Variants in TTC39B observed in about 807,000 individuals in gnomAD.
TTC39B encodes tetratricopeptide repeat domain 39B.
A neutral mutation model predicts 96.6 loss-of-function variants in TTC39B; 92 were observed. That is an observed-to-expected ratio of 0.95 (90% CI 0.80 to 1.13). The LOEUF (loss-of-function observed/expected upper bound fraction) is 1.13. TTC39B is among the 50% of genes most tolerant of loss of function. The pLI, the probability that TTC39B is intolerant of heterozygous loss-of-function variation, is 0.00. For missense variants in TTC39B, 955 were observed against 809.3 expected (o/e 1.18, Z -2.18); for synonymous variants, 367 against 299.4 (o/e 1.23, Z -2.33).
At chr9:15,254,676 C>G (rs981499314) in intron 2 of TTC39B, among the ~76,000 whole-genome samples, 10 of 151,956 alleles carry the variant, frequency 6.6e-5, no homozygotes, top group Non-Finnish European at 1.5e-4. Flanking sequence ...AAATACCAAT[C>G]ACAGGCTTAA....
chr9:15,300,394 G>A (rs1029131098), intron 1 of TTC39B, among the ~76,000 whole-genome samples: 6 of 152,222 alleles, frequency 3.9e-5, no homozygotes, highest in African/African-American at 7.2e-5. Flanking sequence ...CCTCTTTCAC[G>A]TTCTGAGAAA....
exon 20 of TTC39B, chr9:15,166,151 AG>A (rs1306875115): frequency 6.6e-6 from 1 of 152,204 alleles, no homozygotes; most frequent in African/African-American, 2.4e-5. Flanking sequence ...TTAATATACA[AG>A]GTATATTGTA....
At chr9:15,255,150 G>C (rs1822707125) in intron 2 of TTC39B, among the ~76,000 whole-genome samples, 1 of 151,862 alleles carries the variant, frequency 6.6e-6, no homozygotes, top group South Asian at 2.1e-4. Context: ...AAATAACATA[G>C]AAATTACTTT....
chr9:15,243,493 C>T (rs1162515119), intron 2 of TTC39B, among the ~76,000 whole-genome samples: 1 of 152,142 alleles, frequency 6.6e-6, no homozygotes, highest in African/African-American at 2.4e-5. Flanking sequence ...GGTCATCGCC[C>T]CTGCAAGGAA....
chr9:15,224,662 A>G (rs979025377), intron 3 of TTC39B, among the ~76,000 whole-genome samples: 3 of 152,236 alleles, frequency 2.0e-5, no homozygotes, highest in African/African-American at 7.2e-5. Context: ...TTTCAAACTC[A>G]GCATTATAAA....
intron 6 of TTC39B, among the ~76,000 whole-genome samples, chr9:15,207,722 A>T (rs1011332285): frequency 6.6e-6 from 1 of 152,066 alleles, no homozygotes; most frequent in African/African-American, 2.4e-5. Flanking sequence ...ACGGTGGCTC[A>T]CACCTGTAAT....
At chr9:15,184,716 C>G (rs990248158) in intron 16 of TTC39B, among the ~76,000 whole-genome samples, 1 of 152,174 alleles carries the variant, frequency 6.6e-6, no homozygotes, top group African/African-American at 2.4e-5. Context: ...ACAGCTAGAC[C>G]AAACTAAGAT....
At chr9:15,307,008 G>A in intron 1 of TTC39B, 76 bp downstream of exon 1, 1 of 1,557,826 alleles carries the variant, frequency 6.4e-7, no homozygotes, top group South Asian at 1.2e-5. Flanking sequence ...GGCCGTCCTA[G>A]CCGGGCTCAC....
chr9:15,214,334 G>GTGTGTGTGTGTC, intron 3 of TTC39B, 85 bp from the exon 4 acceptor site: 1 of 817,558 alleles, frequency 1.2e-6, no homozygotes, highest in Non-Finnish European at 2.0e-6. Flanking sequence ...GTGTGTGTGT[G>GTGTGTGTGTGTC]TGTGTGTGTG....
chr9:15,182,372 C>A lies in TTC39B; in HGVS notation c.1658G>T (p.Arg553Ile), dbSNP rs781381791. ...TAACAGATTTTCAGAAAGGTCTTTT[C>A]TTTTGCTCACTATTGAAAAACCATT... The change falls in exon 17 of 20, where the codon AGA becomes ATA. Residue 553 changes from arginine to isoleucine, a missense_variant. Physicochemically the swap from Arg to Ile is moderately conservative, Grantham distance 97. Transcript: ENST00000512701. The A allele has an allele frequency of 3.1e-6, 5 of 1,611,830 alleles. No individual in the cohort carries two copies. The highest frequency in any genetic ancestry group is 4.5e-5 in the East Asian group (2 of 44,776).
At chr9:15,201,568 T>C (rs1819540649) in intron 7 of TTC39B, among the ~76,000 whole-genome samples, 1 of 152,042 alleles carries the variant, frequency 6.6e-6, no homozygotes, top group Non-Finnish European at 1.5e-5. Context: ...GTAAGCAAAG[T>C]AAAACTCAAG....
chr9:15,257,455 A>AT (rs1390824126), intron 2 of TTC39B, among the ~76,000 whole-genome samples: 7 of 150,816 alleles, frequency 4.6e-5, no homozygotes, highest in African/African-American at 1.5e-4. Context: ...TCATATTAAA[A>AT]ATTTTTTTTT....
intron 1 of TTC39B, among the ~76,000 whole-genome samples, chr9:15,285,274 G>GA (rs569294561): frequency 0.28 from 35,821 of 127,700 alleles, 4,775 homozygotes; most frequent in Non-Finnish European, 0.33. Flanking sequence ...GTCTCAAAAA[G>GA]AAAAAAAAAA....
At chr9:15,231,612 G>A (rs1586923857) in intron 2 of TTC39B, among the ~76,000 whole-genome samples, 1 of 152,056 alleles carries the variant, frequency 6.6e-6, no homozygotes, top group Admixed American at 6.6e-5. Flanking sequence ...CTATTTTCGA[G>A]GGTAAAGCTT....
intron 2 of TTC39B, among the ~76,000 whole-genome samples, chr9:15,263,168 T>A (rs1344288608): frequency 6.6e-6 from 1 of 152,180 alleles, no homozygotes; most frequent in Admixed American, 6.5e-5. Context: ...GTCAATTCCT[T>A]ACAGCAAATC....
At chr9:15,182,281 C>T (rs183704417) in intron 17 of TTC39B, 26 bp downstream of exon 17, 10 of 1,474,112 alleles carry the variant, frequency 6.8e-6, no homozygotes, top group African/African-American at 1.4e-5. Context: ...GACAAAGGCT[C>T]CTCGGTGCTT....
chr9:15,297,093 C>G (rs1824410815), intron 1 of TTC39B, among the ~76,000 whole-genome samples: 2 of 152,184 alleles, frequency 1.3e-5, no homozygotes, highest in Admixed American at 1.3e-4. Flanking sequence ...CAGCAGCTCT[C>G]CTGCATTAAT....
chr9:15,170,193 T>TGACTTCAGTTCTAATAATC (rs138383065), exon 20 of TTC39B: 9 of 151,352 alleles, frequency 5.9e-5, no homozygotes, highest in African/African-American at 2.2e-4. Flanking sequence ...CATTGATATC[T>TGACTTCAGTTCTAATAATC]ATCTTTCATT....
intron 6 of TTC39B, among the ~76,000 whole-genome samples, chr9:15,204,100 C>T (rs1819703335): frequency 6.6e-6 from 1 of 152,222 alleles, no homozygotes; most frequent in Non-Finnish European, 1.5e-5. Flanking sequence ...TCAGGGAAGT[C>T]ATCCCCATTC....
Sources: gnomAD v4.1 joint callset for allele counts (sites outside exome capture counted in the v4.1 genomes callset) on GRCh38, gnomAD v4.1.1 for gene constraint, MANE v1.5 for transcripts, NCBI Gene and HGNC (gene_info 2026-07-23, HGNC 2026-07-21) for gene names.